The following CACNA1A variants were observed in gnomAD, a reference collection of about 807,000 sequenced individuals.
CACNA1A encodes the protein voltage-dependent P/Q-type calcium channel subunit alpha-1A.
CACNA1A carries 57 observed loss-of-function variants against 262.4 expected under a neutral mutation model. That is an observed-to-expected ratio of 0.22 (90% CI 0.18 to 0.27). The LOEUF (loss-of-function observed/expected upper bound fraction) is 0.27, where lower values mean the gene tolerates loss of function less well. Ranked by LOEUF, CACNA1A falls within the 10% of genes least tolerant of loss-of-function variation. The pLI, the probability that CACNA1A is intolerant of heterozygous loss-of-function variation, is 1.00. For missense variants in CACNA1A, 2,526 were observed against 3,562.8 expected (o/e 0.71, Z 7.41); for synonymous variants, 1,431 against 1,419.3 (o/e 1.01, Z -0.18).
At chr19:13,464,600 C>G (rs1471909725) in intron 1 of CACNA1A, among the ~76,000 whole-genome samples, 2 of 144,430 alleles carry the variant, frequency 1.4e-5, no homozygotes, top group African/African-American at 2.7e-5. Context: ...CCAGGCCAGA[C>G]TGCAGTGGTG....
At chr19:13,455,345 T>C in intron 1 of CACNA1A, 133 bp from the exon 2 acceptor site, 1 of 577,942 alleles carries the variant, frequency 1.7e-6, no homozygotes, top group Non-Finnish European at 3.2e-6. Flanking sequence ...GGTGGAATTA[T>C]TCGTTCTCCT....
intron 17 of CACNA1A, among the ~76,000 whole-genome samples, chr19:13,303,203 C>T (rs2057823531): frequency 6.6e-6 from 1 of 152,142 alleles, no homozygotes; most frequent in Non-Finnish European, 1.5e-5. Context: ...CATAACAGCA[C>T]TCCCTCTCCC....
intron 40 of CACNA1A, among the ~76,000 whole-genome samples, chr19:13,213,233 C>T (rs575649635): frequency 2.0e-5 from 3 of 152,206 alleles, no homozygotes; most frequent in Non-Finnish European, 4.4e-5. Flanking sequence ...ACAACCCAGG[C>T]ACGGTCCAGC....
chr19:13,283,328 G>A lies in CACNA1A; in HGVS notation c.3761C>T (p.Ala1254Val). Reference protein sequence around the residue: ...YFEMCILMVIAMSSIALAAED... With the variant: ...YFEMCILMVIVMSSIALAAED... ...GGCGGCCAGGGCGATGCTGCTCATG[G>A]CAATGACCATGAGGATGCACATCTC... Residue 1254 changes from alanine (A) to valine (V), a missense_variant, in exon 22 of 47, where the codon GCC (alanine) becomes GTC (valine). Physicochemically the swap from Ala to Val is moderately conservative, Grantham distance 64. This residue lies in a region of CACNA1A where 765 missense variants were observed against 748.6 expected (regional missense o/e 1.02). Transcript: ENST00000360228. The A allele has an allele frequency of 6.2e-7, 1 of 1,614,004 alleles. No individual in the cohort carries two copies. Among genetic ancestry groups the A allele is most frequent in the Non-Finnish European group, 8.5e-7 (1 of 1,179,860 alleles).
At chr19:13,467,971 A>T (rs1029496110) in intron 1 of CACNA1A, among the ~76,000 whole-genome samples, 28 of 150,072 alleles carry the variant, frequency 1.9e-4, no homozygotes, top group Admixed American at 1.1e-3. Flanking sequence ...GAGATGAGTG[A>T]GTGTGTGTGT....
Position 13,359,777 on chromosome 19 carries a change from C to A in CACNA1A, c.807G>T (p.Pro269=). ...EGTDDIQGES[P]APCGTEEPAR... Reference sequence around the variant, plus strand: ...CGGGCTCTTCTGTCCCACATGGAGCCGGAGACTCACCCTGAATGTCATCTA... The same window carrying A: ...CGGGCTCTTCTGTCCCACATGGAGCAGGAGACTCACCCTGAATGTCATCTA... Residue 269 remains proline, a synonymous_variant, in exon 6 of 47, where the codon CCG becomes CCT. Coordinates refer to ENST00000360228, the MANE Select transcript of CACNA1A (RefSeq NM_001127222.2). 6.5e-7 allele frequency: 1 copy of A among 1,533,446 alleles called. No individual in the cohort carries two copies. Among genetic ancestry groups the A allele is most frequent in the Non-Finnish European group, 8.8e-7 (1 of 1,135,396 alleles). The allele number at this position is 1,533,446 out of a possible 1,614,324, so 95.0% of individuals were successfully genotyped here. A position where few individuals can be genotyped will look rare whatever the true frequency, so the allele number is the denominator to read the frequency against.
chr19:13,221,329 G>C (rs1055319054), intron 38 of CACNA1A, among the ~76,000 whole-genome samples: 1 of 141,938 alleles, frequency 7.0e-6, no homozygotes, highest in African/African-American at 2.7e-5. Context: ...TGCCTCCCAG[G>C]TTCAAGTAAT....
At chr19:13,497,255 C>T (rs958850151) in intron 1 of CACNA1A, among the ~76,000 whole-genome samples, 1 of 151,548 alleles carries the variant, frequency 6.6e-6, no homozygotes, top group Non-Finnish European at 1.5e-5. Flanking sequence ...CTAGGTGAAG[C>T]TAGATTTCCA....
intron 11 of CACNA1A, among the ~76,000 whole-genome samples, chr19:13,313,360 T>C (rs2058069238): frequency 6.6e-6 from 1 of 151,820 alleles, no homozygotes; most frequent in Non-Finnish European, 1.5e-5. Context: ...AATTAGCCAG[T>C]GTGGTGACAC....
At chr19:13,501,679 T>C (rs1413503139) in intron 1 of CACNA1A, among the ~76,000 whole-genome samples, 1 of 152,150 alleles carries the variant, frequency 6.6e-6, no homozygotes, top group Admixed American at 6.5e-5. Flanking sequence ...CCTGAAAGTT[T>C]GACAGGACTA....
chr19:13,419,356 A>T (rs1410643628), intron 3 of CACNA1A, among the ~76,000 whole-genome samples: 2 of 152,184 alleles, frequency 1.3e-5, no homozygotes, highest in Non-Finnish European at 2.9e-5. Flanking sequence ...ACAATGACAA[A>T]ATCGCCTATT....
At chr19:13,494,675 C>T (rs1237677100) in intron 1 of CACNA1A, among the ~76,000 whole-genome samples, 1 of 152,176 alleles carries the variant, frequency 6.6e-6, no homozygotes, top group East Asian at 1.9e-4. Context: ...CACAGTTCTG[C>T]ATGGCTGGGG....
intron 19 of CACNA1A, among the ~76,000 whole-genome samples, chr19:13,292,551 C>T (rs1253673304): frequency 6.6e-6 from 1 of 151,920 alleles, no homozygotes; most frequent in Non-Finnish European, 1.5e-5. Flanking sequence ...GAAGTCAAGG[C>T]TGCAGTGAGC....
At chr19:13,354,949 A>ACTG (rs935070518) in intron 6 of CACNA1A, among the ~76,000 whole-genome samples, 2 of 142,494 alleles carry the variant, frequency 1.4e-5, no homozygotes, top group African/African-American at 5.4e-5. Flanking sequence ...ATCTTGGCTC[A>ACTG]CTGCAACCTC....
chr19:13,453,477 A>C (rs1194748531), intron 2 of CACNA1A, among the ~76,000 whole-genome samples: 1 of 152,192 alleles, frequency 6.6e-6, no homozygotes, highest in Non-Finnish European at 1.5e-5. Context: ...TGGTTTAGAG[A>C]ATTTACTTGT....
At chr19:13,209,053 G>A in intron 45 of CACNA1A, 44 bp from the exon 46 acceptor site, 1 of 1,536,264 alleles carries the variant, frequency 6.5e-7, no homozygotes, top group South Asian at 1.2e-5. Flanking sequence ...TGGTCGTGAG[G>A]GAGAGGTGGG....
intron 29 of CACNA1A, among the ~76,000 whole-genome samples, chr19:13,253,404 C>T (rs1307628986): frequency 1.4e-5 from 2 of 146,406 alleles, no homozygotes; most frequent in South Asian, 2.1e-4. Context: ...TCCTGATAGT[C>T]GGGACTATAG....
chr19:13,245,370 T>G, intron 30 of CACNA1A, 105 bp from the exon 31 acceptor site: 1 of 832,942 alleles, frequency 1.2e-6, no homozygotes, highest in Non-Finnish European at 2.1e-6. Context: ...ATCAGCGGAG[T>G]GCCCGGGACA....
chr19:13,495,062 A>G (rs1258775001), intron 1 of CACNA1A, among the ~76,000 whole-genome samples: 1 of 152,178 alleles, frequency 6.6e-6, no homozygotes, highest in Non-Finnish European at 1.5e-5. Context: ...CCACCAATGG[A>G]GCAAAATCCA....
Sources: gnomAD v4.1 joint callset for allele counts (sites outside exome capture counted in the v4.1 genomes callset) on GRCh38, gnomAD v4.1.1 for gene constraint, gnomAD v4.1.1 regional missense constraint, MANE v1.5 for transcripts, NCBI Gene and HGNC (gene_info 2026-07-23, HGNC 2026-07-21) for gene names.